Variants in EBF2 observed in about 807,000 individuals in gnomAD.
EBF2 encodes transcription factor COE2.
In EBF2, 21 loss-of-function variants were observed where a neutral mutation model predicts 72.8. The observed-to-expected ratio is 0.29, with a 90% CI of 0.20 to 0.42. The LOEUF (loss-of-function observed/expected upper bound fraction) is 0.42. Among genes scored for constraint, EBF2 ranks in the 10% least tolerant of loss-of-function variants. The pLI, the probability that EBF2 is intolerant of heterozygous loss-of-function variation, is 1.00. For missense variants in EBF2, 637 were observed against 731.2 expected (o/e 0.87, Z 1.49); for synonymous variants, 299 against 274.2 (o/e 1.09, Z -0.89).
chr8:25,936,825 G>A (rs948962161), intron 6 of EBF2, among the ~76,000 whole-genome samples: 7 of 152,106 alleles, frequency 4.6e-5, no homozygotes, highest in African/African-American at 1.7e-4. Flanking sequence ...TCTACACTCT[G>A]GAGGCTTACT....
intron 10 of EBF2, among the ~76,000 whole-genome samples, chr8:25,885,609 A>C (rs1434644399): frequency 2.0e-5 from 3 of 151,884 alleles, no homozygotes; most frequent in Non-Finnish European, 4.4e-5. Context: ...CTGGTGGGAG[A>C]TAGTTGAATC....
In EBF2 at chr8:26,041,015, G is replaced by A. The variant is rs755549026; in HGVS notation, c.289-13C>T. The A allele has an allele frequency of 2.5e-6, 4 of 1,613,932 alleles. No homozygotes were observed. Among genetic ancestry groups the A allele is most frequent in the Non-Finnish European group, 3.4e-6 (4 of 1,179,960 alleles). ...CGTTGCCTTGTTCCTGAAAAGACAG[G>A]CAGCGTTCGATTCCCTTGCCTTTCA... On this transcript the variant is annotated splice_polypyrimidine_tract_variant and intron_variant, in intron 2 of 15. Transcript: ENST00000520164.
chr8:25,994,629 C>A (rs1804594061), intron 6 of EBF2, among the ~76,000 whole-genome samples: 1 of 152,158 alleles, frequency 6.6e-6, no homozygotes, highest in Admixed American at 6.5e-5. Flanking sequence ...AAAATCATGT[C>A]TTTTGCAACA....
intron 6 of EBF2, among the ~76,000 whole-genome samples, chr8:25,970,009 T>C (rs2117187671): frequency 6.6e-6 from 1 of 152,334 alleles, no homozygotes; most frequent in South Asian, 2.1e-4. Flanking sequence ...ACAGATTTTA[T>C]GACCTTCATA....
chr8:25,930,308 T>C (rs1164479523), intron 6 of EBF2, among the ~76,000 whole-genome samples: 1 of 152,146 alleles, frequency 6.6e-6, no homozygotes, highest in Non-Finnish European at 1.5e-5. Flanking sequence ...GGAAAAACAG[T>C]TCTGGAAGAT....
chr8:25,956,531 G>T (rs1490669033), intron 6 of EBF2, among the ~76,000 whole-genome samples: 3 of 152,148 alleles, frequency 2.0e-5, no homozygotes, highest in African/African-American at 7.2e-5. Context: ...TCTCAATAGT[G>T]TACCTTGTAT....
In EBF2 at chr8:25,871,190, G is replaced by A. The variant is rs146071260; in HGVS notation, c.1010-8393C>T. 7.0e-3 allele frequency among the ~76,000 whole-genome samples: 1,065 copies of A among 152,004 alleles called. 8 individuals are homozygous for A. Among genetic ancestry groups the A allele is most frequent in the Non-Finnish European group, 0.012 (818 of 67,988 alleles). On this transcript the variant is annotated intron_variant, in intron 10 of 15. Transcript: ENST00000520164. ...CCTCCCCCTCCCTACTTCCCTGGGC[G>A]TTCTCTGGCTTTTCAGTCCTGGTAT...
intron 8 of EBF2, among the ~76,000 whole-genome samples, chr8:25,888,388 A>G (rs1380321504): frequency 6.6e-6 from 1 of 152,208 alleles, no homozygotes; most frequent in Admixed American, 6.5e-5. Context: ...TTAAAGCCTA[A>G]TGAGTTGACC....
intron 8 of EBF2, 125 bp downstream of exon 8, chr8:25,889,627 A>G (rs1286149310): frequency 1.3e-6 from 1 of 755,978 alleles, no homozygotes; most frequent in African/African-American, 1.8e-5. Context: ...CGTTTAAAAA[A>G]AAAAAAACCC....
chr8:25,957,696 C>T (rs2117175500), intron 6 of EBF2, among the ~76,000 whole-genome samples: 1 of 152,236 alleles, frequency 6.6e-6, no homozygotes, highest in Middle Eastern at 3.4e-3. Flanking sequence ...GACCCTATCT[C>T]TACAAAAATA....
chr8:25,996,640 G>T lies in EBF2; in HGVS notation c.551+36445C>A, dbSNP rs149429973. 9.5e-4 allele frequency among the ~76,000 whole-genome samples: 144 copies of T among 151,904 alleles called. 1 individual carries two copies. The highest frequency in any genetic ancestry group is 3.3e-3 in the African/African-American group (137 of 41,450). On this transcript the variant is annotated intron_variant, in intron 6 of 15. Transcript: ENST00000520164. ...AAAATAAACTAAGAATTAAATCAAA[G>T]AAACTTAAAAGTGAAATAAACCCAC...
chr8:26,005,206 GAT>G (rs566917773), intron 6 of EBF2, among the ~76,000 whole-genome samples: 4 of 97,736 alleles, frequency 4.1e-5, no homozygotes, highest in Non-Finnish European at 5.9e-5. Context: ...GGGAGATGGA[GAT>G]ATATATATAT....
intron 15 of EBF2, among the ~76,000 whole-genome samples, chr8:25,848,288 C>T (rs924227197): frequency 3.3e-5 from 5 of 152,198 alleles, no homozygotes; most frequent in African/African-American, 9.6e-5. Context: ...TGCCTACATG[C>T]AACTCACCAA....
intron 10 of EBF2, among the ~76,000 whole-genome samples, chr8:25,866,766 G>A (rs1802337097): frequency 6.7e-6 from 1 of 150,050 alleles, no homozygotes; most frequent in Admixed American, 6.7e-5. Context: ...CTAGTAGCTG[G>A]AATTACAGGC....
chr8:26,036,376 A>G (rs1466299039), intron 5 of EBF2, among the ~76,000 whole-genome samples: 1 of 152,234 alleles, frequency 6.6e-6, no homozygotes, highest in Non-Finnish European at 1.5e-5. Context: ...ACATATTTAA[A>G]TATCATCTCT....
At chr8:25,955,621 G>A (rs1484733629) in intron 6 of EBF2, among the ~76,000 whole-genome samples, 1 of 152,112 alleles carries the variant, frequency 6.6e-6, no homozygotes, top group Non-Finnish European at 1.5e-5. Flanking sequence ...GCTTATTGAT[G>A]TCTTTAAAAG....
intron 5 of EBF2, among the ~76,000 whole-genome samples, chr8:26,035,098 T>A (rs1265293526): frequency 6.6e-6 from 1 of 151,888 alleles, no homozygotes. Flanking sequence ...AGGGAAGTCA[T>A]GTGACAGCAG....
intron 11 of EBF2, among the ~76,000 whole-genome samples, chr8:25,861,746 G>C (rs1376893808): frequency 4.6e-5 from 7 of 152,312 alleles, no homozygotes; most frequent in Middle Eastern, 3.4e-3. Context: ...TTCTTAAAAT[G>C]ATTGATGGAT....
chr8:25,941,299 G>A (rs563780913), intron 6 of EBF2, among the ~76,000 whole-genome samples: 3 of 150,898 alleles, frequency 2.0e-5, no homozygotes, highest in South Asian at 2.1e-4. Context: ...TCCGCCTCCC[G>A]GGTTCAAGTG....
Sources: allele counts gnomAD v4.1 joint callset (sites outside exome capture counted in the v4.1 genomes callset), GRCh38; gene constraint gnomAD v4.1.1; transcripts MANE v1.5; gene names NCBI Gene and HGNC (gene_info 2026-07-23, HGNC 2026-07-21).